The following MID1 variants were observed in gnomAD, a reference collection of about 807,000 sequenced individuals.
The protein encoded by MID1 is E3 ubiquitin-protein ligase Midline-1.
In MID1, 7 loss-of-function variants were observed where a neutral mutation model predicts 40.4. The observed-to-expected ratio is 0.17, with a 90% CI of 0.10 to 0.33. The LOEUF is 0.33. MID1 is among the 10% of genes least tolerant of loss of function. The probability of loss-of-function intolerance (pLI) is 1.00; values close to 1 mark genes in which losing one functional copy is unlikely to be tolerated. For synonymous variants in MID1, 229 were observed against 221.2 expected (o/e 1.04, Z -0.31); for missense variants, 367 against 558.5 (o/e 0.66, Z 3.46).
intron 1 of MID1, among the ~76,000 whole-genome samples, chrX:10,814,792 C>A (rs2044125415): frequency 8.9e-6 from 1 of 111,874 alleles, no homozygotes; most frequent in Non-Finnish European, 1.9e-5. Context: ...CAAATGGAAT[C>A]ATATAGTATG....
At chrX:10,590,550 T>G (rs747086716) in intron 1 of MID1, among the ~76,000 whole-genome samples, 36 of 111,635 alleles carry the variant, frequency 3.2e-4, no homozygotes, top group African/African-American at 1.2e-3. Flanking sequence ...CTTTTTGGCC[T>G]AAAAGCCAAG....
At chrX:10,699,464 C>T (rs1045272323) in intron 1 of MID1, among the ~76,000 whole-genome samples, 1 of 112,141 alleles carries the variant, frequency 8.9e-6, no homozygotes, top group African/African-American at 3.2e-5. Flanking sequence ...GAAACCGTTC[C>T]ATTGTAAACT....
At chrX:10,789,930 A>G (rs1231279424) in intron 1 of MID1, among the ~76,000 whole-genome samples, 1 of 110,748 alleles carries the variant, frequency 9.0e-6, no homozygotes, top group East Asian at 2.8e-4. Flanking sequence ...AACTTGCTTC[A>G]ACAACTACAT....
chrX:10,476,434 A>G (rs182846188), intron 5 of MID1, among the ~76,000 whole-genome samples: 1 of 110,992 alleles, frequency 9.0e-6, no homozygotes, highest in Admixed American at 9.5e-5. Flanking sequence ...TTGGCCTCCC[A>G]AAGTGCTGGG....
intron 1 of MID1, among the ~76,000 whole-genome samples, chrX:10,767,102 G>C (rs2043735903): frequency 9.0e-6 from 1 of 110,594 alleles, no homozygotes; most frequent in Admixed American, 9.7e-5. Flanking sequence ...CAGTCAGCCT[G>C]TAATGGAAAT....
chrX:10,688,437 CT>C (rs1214657350), intron 1 of MID1, among the ~76,000 whole-genome samples: 1 of 111,412 alleles, frequency 9.0e-6, no homozygotes, highest in Non-Finnish European at 1.9e-5. Flanking sequence ...ATTCTTACTA[CT>C]TTTTATCTTT....
chrX:10,530,276 G>A (rs183771871), intron 2 of MID1, among the ~76,000 whole-genome samples: 11 of 111,910 alleles, frequency 9.8e-5, no homozygotes, highest in Non-Finnish European at 1.7e-4. Flanking sequence ...TTCCCCAAGT[G>A]ATTTTTTCAT....
intron 1 of MID1, among the ~76,000 whole-genome samples, chrX:10,699,779 T>C (rs1045625529): frequency 9.0e-6 from 1 of 111,632 alleles, no homozygotes; most frequent in African/African-American, 3.3e-5. Flanking sequence ...GTGCAGTTTT[T>C]AGATAGACAC....
chrX:10,781,016 C>T (rs953111231), intron 1 of MID1, among the ~76,000 whole-genome samples: 7 of 111,985 alleles, frequency 6.3e-5, no homozygotes, highest in African/African-American at 2.3e-4. Flanking sequence ...GGCCCAGTTC[C>T]TAACAGGCCA....
intron 3 of MID1, among the ~76,000 whole-genome samples, chrX:10,516,748 T>G (rs1932466764): frequency 9.0e-6 from 1 of 110,973 alleles, no homozygotes; most frequent in Non-Finnish European, 1.9e-5. Context: ...CCTTTGTTAC[T>G]GGGATTACAG....
chrX:10,679,881 A>G (rs1327535887), intron 1 of MID1, among the ~76,000 whole-genome samples: 6 of 112,173 alleles, frequency 5.3e-5, no homozygotes, highest in Non-Finnish European at 1.1e-4. Context: ...AACAATGAAA[A>G]CAAATGTGAA....
intron 1 of MID1, among the ~76,000 whole-genome samples, chrX:10,686,620 G>T (rs1427115159): frequency 8.9e-6 from 1 of 112,069 alleles, no homozygotes; most frequent in African/African-American, 3.2e-5. Flanking sequence ...CTTTGTTGTT[G>T]CAGATTGAGG....
At chrX:10,722,920 CTT>C (rs2043367102) in intron 1 of MID1, among the ~76,000 whole-genome samples, 1 of 111,358 alleles carries the variant, frequency 9.0e-6, no homozygotes, top group African/African-American at 3.3e-5. Flanking sequence ...TAAAGAACCT[CTT>C]TGCTGAAGTT....
intron 2 of MID1, among the ~76,000 whole-genome samples, chrX:10,545,877 TA>T (rs1477091156): frequency 8.9e-6 from 1 of 112,460 alleles, no homozygotes; most frequent in East Asian, 2.8e-4. Flanking sequence ...TTGCTTATTT[TA>T]TCTTCGTTTT....
chrX:10,499,909 T>G (rs1052449919), intron 3 of MID1, among the ~76,000 whole-genome samples: 10 of 112,478 alleles, frequency 8.9e-5, no homozygotes, highest in African/African-American at 3.2e-4. Context: ...AATCTTAGGC[T>G]ATCTCCATTT....
At position 10,491,176 on chromosome X, in the gene MID1, T is replaced by C. The variant is rs758399503; in HGVS notation, c.864+4408A>G. Among the ~76,000 whole-genome samples, 6 of 111,983 alleles carry C rather than the reference T, an allele frequency of 5.4e-5. No individual in the cohort carries two copies. In the East Asian group the frequency reaches 1.7e-3, roughly 31 times the overall value. On this transcript the variant is annotated intron_variant, in intron 4 of 9. Transcript: ENST00000317552. ...ACATACTGTCTCTGTCACACATATA[T>C]TGTTTTTCTTTATTTTTTTTAACAA...
At chrX:10,663,375 A>G (rs5979337) in intron 1 of MID1, among the ~76,000 whole-genome samples, 10,305 of 111,309 alleles carry the variant, frequency 0.093, 760 homozygotes, top group African/African-American at 0.25. Flanking sequence ...TTTCACATAA[A>G]TGGAATCCTA....
At chrX:10,826,461 C>T (rs760554145) in intron 1 of MID1, among the ~76,000 whole-genome samples, 66 of 112,023 alleles carry the variant, frequency 5.9e-4, no homozygotes, top group African/African-American at 2.1e-3. Context: ...GCAAAAACCG[C>T]GATTACTTTT....
intron 2 of MID1, among the ~76,000 whole-genome samples, chrX:10,533,377 A>AAAGAAAG (rs1569089789): frequency 1.8e-3 from 104 of 58,600 alleles, no homozygotes; most frequent in African/African-American, 5.8e-3. Flanking sequence ...AGAAAGAAAG[A>AAAGAAAG]AAAAGAAAGA....
Sources: allele counts gnomAD v4.1 joint callset (sites outside exome capture counted in the v4.1 genomes callset), GRCh38; gene constraint gnomAD v4.1.1; transcripts MANE v1.5; gene names NCBI Gene and HGNC (gene_info 2026-07-23, HGNC 2026-07-21).